GAS6: variants seen among roughly 807,000 people sequenced by gnomAD.
GAS6 encodes growth arrest specific 6.
GAS6 carries 41 observed loss-of-function variants against 75.8 expected under a neutral mutation model. The observed-to-expected ratio is 0.54, with a 90% CI of 0.42 to 0.70. The LOEUF is 0.70. GAS6 is among the 30% of genes least tolerant of loss of function. The pLI is 0.00. For missense variants in GAS6, 854 were observed against 940.2 expected (o/e 0.91, Z 1.20); for synonymous variants, 432 against 412.6 (o/e 1.05, Z -0.57).
intron 13 of GAS6, chr13:113,823,051 T>C (rs1699338143): frequency 7.9e-6 from 2 of 253,212 alleles, no homozygotes; most frequent in Non-Finnish European, 7.5e-6. Context: ...GCTGAAATCA[T>C]CTGACTTAAA....
chr13:113,830,828 C>T (rs1343555940), intron 10 of GAS6, among the ~76,000 whole-genome samples: 1 of 152,118 alleles, frequency 6.6e-6, no homozygotes, highest in Admixed American at 6.5e-5. Flanking sequence ...CAGGCGACCT[C>T]GCCTCAGGCC....
chr13:113,827,716 G>A (rs752399842), intron 11 of GAS6, among the ~76,000 whole-genome samples: 7 of 152,200 alleles, frequency 4.6e-5, no homozygotes, highest in Non-Finnish European at 8.8e-5. Context: ...AGCACCCAAA[G>A]ACGCGAAGAC....
At position 113,822,151 on chromosome 13, in the gene GAS6, G is replaced by A. The variant is rs1238643471; in HGVS notation, c.1689C>T (p.Ala563=). Residue 563 remains alanine (A), a synonymous_variant, in exon 14 of 15, where the codon GCC becomes GCT. Transcript: ENST00000327773. ...VVLAVEHTAL[A]LMEIKVCDGQ... is the part of the protein sequence containing the mutation. ...CGTCGCAGACCTTGATCTCCATTAG[G>A]GCCAAGGCCGTATGCTCCACGGCCA... 2 of 1,590,318 alleles carry A rather than the reference G, an allele frequency of 1.3e-6. No individual in the cohort carries two copies. The highest frequency in any genetic ancestry group is 1.7e-6 in the Non-Finnish European group (2 of 1,168,444).
intron 8 of GAS6, chr13:113,833,013 C>T: frequency 1.4e-6 from 2 of 1,383,372 alleles, no homozygotes; most frequent in South Asian, 1.5e-5. Context: ...TTTCCCTTGA[C>T]CCTTTATTTT....
chr13:113,822,087 C>T lies in GAS6; in HGVS notation c.1753G>A (p.Glu585Lys), dbSNP rs1472838963. 24 of 1,596,856 alleles carry T rather than the reference C, an allele frequency of 1.5e-5. No individual in the cohort carries two copies. Among genetic ancestry groups the T allele is most frequent in the Non-Finnish European group, 2.0e-5 (24 of 1,173,786 alleles). The part of the protein sequence containing the change: ...HVVTVSLRDG[E>K]ATLEVDGTRG... ...GTGCCGTCCACCTCCAGGGTGGCCT[C>T]ACCGTCCCTCAGCGAGACGGTGACC... is the stretch of plus-strand genomic sequence containing the variant. Residue 585 changes from glutamate to lysine, a missense_variant, in exon 14 of 15, where the codon GAG (glutamate) becomes AAG (lysine). Coordinates refer to ENST00000327773, the MANE Select transcript of GAS6 (RefSeq NM_000820.4).
chr13:113,827,248 C>T (rs963854195), intron 11 of GAS6, 84 bp from the exon 12 acceptor site: 47 of 1,419,082 alleles, frequency 3.3e-5, no homozygotes, highest in Non-Finnish European at 4.3e-5. Flanking sequence ...GGCGCCTTCG[C>T]GGCCCTGGTA....
At chr13:113,830,475 C>G (rs1361277337) in intron 10 of GAS6, among the ~76,000 whole-genome samples, 1 of 89,030 alleles carries the variant, frequency 1.1e-5, no homozygotes, top group African/African-American at 8.3e-5. Flanking sequence ...CTGCCCCGGG[C>G]CCCTCCTCCC....
chr13:113,834,434 G>T (rs1254819508), intron 8 of GAS6, 117 bp downstream of exon 8: 1 of 1,098,606 alleles, frequency 9.1e-7, no homozygotes, highest in Non-Finnish European at 1.2e-6. Context: ...TGGCCCTGGA[G>T]ATCCCCAACA....
intron 2 of GAS6, among the ~76,000 whole-genome samples, chr13:113,849,583 C>T (rs990188609): frequency 6.6e-6 from 1 of 152,194 alleles, no homozygotes; most frequent in Non-Finnish European, 1.5e-5. Flanking sequence ...AGTGAGCAAA[C>T]GGCCTAACTA....
At chr13:113,839,173 G>C (rs2051749185) in intron 5 of GAS6, 1 of 157,030 alleles carries the variant, frequency 6.4e-6, no homozygotes, top group Admixed American at 6.3e-5. Flanking sequence ...AGCCCTCCCA[G>C]GCCACCTGTG....
In GAS6 at chr13:113,820,885, G is replaced by T. The variant is rs77167214; in HGVS notation, c.2016C>A (p.Pro672=). 9 of 1,610,650 alleles carry T rather than the reference G, an allele frequency of 5.6e-6. No homozygotes were observed. In the East Asian group the frequency reaches 6.7e-5, roughly 12 times the overall value. ...GGGCCTAGGCTGCGGCGGGCTCCAC[G>T]GGGGGGCAGGAGTGGGCCGTGATGT... ...HSDITAHSCP[P]VEPAAA is the part of the protein sequence containing the mutation. The change falls in exon 15 of 15, where the codon CCC becomes CCA. Residue 672 remains proline, a synonymous_variant. Transcript: ENST00000327773.
Position 113,846,558 on chromosome 13 carries a change from G to A in GAS6, c.312C>T (p.Thr104=), listed in dbSNP as rs2051835414. ...CGCAGGTGGCGAAGCCTGAGTTTTTGGTGTACGGAGACCCATACTTGTTGA... is the reference window on the plus strand; with the variant it reads ...CGCAGGTGGCGAAGCCTGAGTTTTTAGTGTACGGAGACCCATACTTGTTGA... ...DCINKYGSPY[T]KNSGFATCVQ... is the part of the protein sequence containing the mutation. Residue 104 remains threonine (T), a synonymous_variant, in exon 4 of 15, where the codon ACC becomes ACT. Coordinates refer to ENST00000327773, the MANE Select transcript of GAS6 (RefSeq NM_000820.4). The A allele has an allele frequency of 6.2e-7, 1 of 1,613,898 alleles. No homozygotes were observed. Among genetic ancestry groups the A allele is most frequent in the African/African-American group, 1.3e-5 (1 of 74,918 alleles).
chr13:113,855,645 G>T (rs962534577), intron 2 of GAS6, among the ~76,000 whole-genome samples: 1 of 152,146 alleles, frequency 6.6e-6, no homozygotes, highest in African/African-American at 2.4e-5. Flanking sequence ...TGCCACTGCC[G>T]CTTCTGCGCC....
intron 14 of GAS6, chr13:113,821,341 T>G: frequency 3.0e-6 from 1 of 337,714 alleles, no homozygotes. Context: ...GCTCTCATCC[T>G]CTTCAAAGCT....
At chr13:113,824,440 G>A (rs1362049777) in intron 12 of GAS6, among the ~76,000 whole-genome samples, 1 of 148,934 alleles carries the variant, frequency 6.7e-6, no homozygotes, top group Non-Finnish European at 1.5e-5. Flanking sequence ...CTGAGCTGTC[G>A]GGAACATGTG....
At chr13:113,841,116 G>A (rs1228401298) in intron 4 of GAS6, 2 of 152,262 alleles carry the variant, frequency 1.3e-5, no homozygotes, top group Non-Finnish European at 2.9e-5. Flanking sequence ...TCCACCAGAG[G>A]GTCTGGGCTC....
Position 113,834,835 on chromosome 13 carries a change from G to A in GAS6, c.713-163C>T, listed in dbSNP as rs2051681741. ...GGGTCGCGTCCCCCCCCACTGGAAA[G>A]CTAGGTTGCACCCTCGGCCTGCTCC... On this transcript the variant is annotated intron_variant, in intron 7 of 14. Transcript: ENST00000327773. 6.1e-6 allele frequency: 4 copies of A among 654,076 alleles called. No individual in the cohort carries two copies. In the East Asian group the frequency reaches 1.3e-4, roughly 21 times the overall value. The allele number at this position is 654,076 out of a possible 1,614,324, so 40.5% of individuals were successfully genotyped here.
chr13:113,827,154 C>A lies in GAS6; in HGVS notation c.1319G>T (p.Arg440Leu), dbSNP rs752390240. Residue 440 changes from arginine (R) to leucine (L), a missense_variant, in exon 12 of 15, where the codon CGT (arginine) becomes CTT (leucine). Physicochemically the swap from Arg to Leu is moderately radical, Grantham distance 102. Transcript: ENST00000327773. ...CCAGCTCCTCATGCAGCCATCCAGA[C>A]GAGGGTTTATCTGGAAAGGCAGAGA... ...EKDLVQPINPRLDGCMRSWNW... is the reference protein window; with the variant it reads ...EKDLVQPINPLLDGCMRSWNW... The A allele has an allele frequency of 6.2e-7, 1 of 1,612,214 alleles. No individual in the cohort carries two copies. The highest frequency in any genetic ancestry group is 1.1e-5 in the South Asian group (1 of 90,962).
chr13:113,826,861 ACCCAT>A (rs2051555910), intron 12 of GAS6, 130 bp downstream of exon 12: 5 of 56,878 alleles, frequency 8.8e-5, no homozygotes, highest in South Asian at 1.9e-4. Flanking sequence ...CACCCCGCCC[ACCCAT>A]CCCTGCCCCG....
Sources: gnomAD v4.1 joint callset for allele counts (sites outside exome capture counted in the v4.1 genomes callset) on GRCh38, gnomAD v4.1.1 for gene constraint, MANE v1.5 for transcripts, NCBI Gene and HGNC (gene_info 2026-07-23, HGNC 2026-07-21) for gene names.